The following COL26A1 variants were observed in gnomAD, a reference collection of about 807,000 sequenced individuals.
COL26A1 encodes the protein collagen type XXVI alpha 1 chain.
A neutral mutation model predicts 59.3 loss-of-function variants in COL26A1; 41 were observed. The ratio of observed to expected loss-of-function variants is 0.69; its 90% CI spans 0.54 to 0.90. COL26A1 has a LOEUF of 0.90. Among genes scored for constraint, COL26A1 ranks in the 40% least tolerant of loss-of-function variants. The probability of loss-of-function intolerance (pLI) is 0.00; values close to 1 mark genes in which losing one functional copy is unlikely to be tolerated. For missense variants in COL26A1, 612 were observed against 602.3 expected, an observed-to-expected ratio of 1.02 and a Z score of -0.17; for synonymous variants, 266 against 256.0, an observed-to-expected ratio of 1.04 and a Z score of -0.37.
At chr7:101,451,353 T>C (rs1793334052) in intron 3 of COL26A1, among the ~76,000 whole-genome samples, 1 of 146,844 alleles carries the variant, frequency 6.8e-6, no homozygotes, top group South Asian at 2.1e-4. Flanking sequence ...TTAAACAATG[T>C]ATGTATTATA....
intron 1 of COL26A1, among the ~76,000 whole-genome samples, chr7:101,398,233 T>C (rs1005195111): frequency 6.6e-6 from 1 of 152,182 alleles, no homozygotes; most frequent in Non-Finnish European, 1.5e-5. Flanking sequence ...TATTTTACAA[T>C]CTATTGGAGA....
intron 4 of COL26A1, among the ~76,000 whole-genome samples, chr7:101,534,143 C>T (rs1284250576): frequency 6.6e-6 from 1 of 152,200 alleles, no homozygotes; most frequent in East Asian, 1.9e-4. Context: ...GGGTTGGCTG[C>T]ACTGCCTGGC....
chr7:101,424,762 C>A (rs1379724187), intron 2 of COL26A1, among the ~76,000 whole-genome samples: 1 of 152,120 alleles, frequency 6.6e-6, no homozygotes, highest in African/African-American at 2.4e-5. Flanking sequence ...CAGCATTATC[C>A]TTTGGTCCCC....
In COL26A1 at chr7:101,544,080, T is replaced by C; in HGVS notation, c.687T>C (p.Gly229=). Reference sequence around the variant, plus strand: ...ACCGAGGCCAGACAGGAGAGAAGGGTCCAGCGGGGCCGCCTGGTAAGAAAA... The same window carrying C: ...ACCGAGGCCAGACAGGAGAGAAGGGCCCAGCGGGGCCGCCTGGTAAGAAAA... ...KGDRGQTGEK[G]PAGPPGLLGP... Residue 229 remains glycine (G), a synonymous_variant, in exon 6 of 13, where the codon GGT becomes GGC. Transcript: ENST00000313669. 1 of 1,604,074 alleles carries C rather than the reference T, an allele frequency of 6.2e-7. No homozygotes were observed. Among genetic ancestry groups the C allele is most frequent in the Non-Finnish European group, 8.5e-7 (1 of 1,175,794 alleles).
At chr7:101,548,832 A>C (rs57554553) in intron 8 of COL26A1, among the ~76,000 whole-genome samples, 55,412 of 151,920 alleles carry the variant, frequency 0.36, 10,460 homozygotes, top group African/African-American at 0.42. Context: ...CGAGGCGGGA[A>C]AGACCGGAGA....
chr7:101,538,154 A>G (rs1300909854), intron 4 of COL26A1, among the ~76,000 whole-genome samples: 1 of 152,082 alleles, frequency 6.6e-6, no homozygotes, highest in African/African-American at 2.4e-5. Flanking sequence ...CCTGACAGCC[A>G]CCGTCTTCTT....
chr7:101,549,518 C>A (rs1459128882), intron 9 of COL26A1, among the ~76,000 whole-genome samples: 1 of 152,092 alleles, frequency 6.6e-6, no homozygotes, highest in Non-Finnish European at 1.5e-5. Context: ...TTAGCCGGGA[C>A]CACAGGCGCA....
At chr7:101,477,450 G>T (rs1319429415) in intron 3 of COL26A1, among the ~76,000 whole-genome samples, 2 of 152,190 alleles carry the variant, frequency 1.3e-5, no homozygotes, top group Admixed American at 6.5e-5. Flanking sequence ...CCTCTCTTGG[G>T]CTGGTTGGAT....
At chr7:101,390,110 T>C (rs1489945316) in intron 1 of COL26A1, among the ~76,000 whole-genome samples, 1 of 150,194 alleles carries the variant, frequency 6.7e-6, no homozygotes, top group Admixed American at 6.7e-5. Flanking sequence ...GTCATGAAGC[T>C]TTTAAGAGTT....
At chr7:101,519,607 C>G (rs2130606561) in intron 3 of COL26A1, among the ~76,000 whole-genome samples, 1 of 152,300 alleles carries the variant, frequency 6.6e-6, no homozygotes, top group African/African-American at 2.4e-5. Flanking sequence ...CTGGGGGACA[C>G]TGAACAGGGA....
Position 101,487,096 on chromosome 7 carries a change from G to A in COL26A1, c.385+39309G>A, listed in dbSNP as rs948177946. 5.3e-5 allele frequency among the ~76,000 whole-genome samples: 8 copies of A among 152,312 alleles called. No individual in the cohort carries two copies. The East Asian group carries it at 1.2e-3, about 22-fold the overall frequency. ...CAGGGAAGCTGGGAAGATGCAGGGC[G>A]GGGAGGAGGGGGCACAGATATTCTA... On this transcript the variant is annotated intron_variant, in intron 3 of 12. Coordinates refer to ENST00000313669, the MANE Select transcript of COL26A1 (RefSeq NM_001278563.3).
intron 1 of COL26A1, among the ~76,000 whole-genome samples, chr7:101,399,141 A>C (rs1791932100): frequency 6.6e-6 from 1 of 151,948 alleles, no homozygotes. Context: ...CCCCATCTCT[A>C]CAAAAAATTT....
intron 1 of COL26A1, among the ~76,000 whole-genome samples, chr7:101,416,797 C>T (rs1253772853): frequency 2.1e-5 from 3 of 143,012 alleles, no homozygotes; most frequent in Admixed American, 7.1e-5. Flanking sequence ...TGGAGTGCAG[C>T]GGTGCGATCA....
intron 3 of COL26A1, among the ~76,000 whole-genome samples, chr7:101,453,223 C>T (rs1031297626): frequency 7.2e-5 from 11 of 151,968 alleles, no homozygotes; most frequent in Non-Finnish European, 1.3e-4. Flanking sequence ...AAAAACTAGC[C>T]GGGCGTGGTG....
chr7:101,543,908 C>A, intron 5 of COL26A1, 90 bp from the exon 6 acceptor site: 1 of 888,256 alleles, frequency 1.1e-6, no homozygotes, highest in Non-Finnish European at 1.7e-6. Context: ...CCTGGGGGAA[C>A]GTAGGCTGAC....
At chr7:101,465,216 T>C (rs1322694209) in intron 3 of COL26A1, among the ~76,000 whole-genome samples, 1 of 151,690 alleles carries the variant, frequency 6.6e-6, no homozygotes, top group Admixed American at 6.6e-5. Context: ...AGTTTTAAAT[T>C]TTTCACAGAG....
intron 1 of COL26A1, among the ~76,000 whole-genome samples, chr7:101,373,961 C>A (rs1202488748): frequency 6.6e-6 from 1 of 152,212 alleles, no homozygotes; most frequent in Non-Finnish European, 1.5e-5. Flanking sequence ...CACTTCATTG[C>A]CACTTCCAGA....
At chr7:101,514,955 C>G (rs1253706039) in intron 3 of COL26A1, among the ~76,000 whole-genome samples, 2 of 152,260 alleles carry the variant, frequency 1.3e-5, no homozygotes, top group African/African-American at 4.8e-5. Context: ...AGGCCAGCCT[C>G]TGGTTGTCCC....
At chr7:101,463,656 TTCCA>T (rs1793672873) in intron 3 of COL26A1, among the ~76,000 whole-genome samples, 1 of 115,900 alleles carries the variant, frequency 8.6e-6, no homozygotes, top group African/African-American at 3.3e-5. Flanking sequence ...CCTTCCATCC[TTCCA>T]TCCTTCCTTC....
Sources: allele counts gnomAD v4.1 joint callset (sites outside exome capture counted in the v4.1 genomes callset), GRCh38; gene constraint gnomAD v4.1.1; transcripts MANE v1.5; gene names NCBI Gene and HGNC (gene_info 2026-07-23, HGNC 2026-07-21).